Variants in GRIK3 observed in about 807,000 individuals in gnomAD.
GRIK3 encodes the protein glutamate receptor ionotropic, kainate 3.
Under a neutral mutation model 102.5 loss-of-function variants are expected in GRIK3, and 29 were observed. The observed-to-expected ratio is 0.28, with a 90% confidence interval of 0.21 to 0.39. GRIK3 has a LOEUF of 0.39. Among genes scored for constraint, GRIK3 ranks in the 10% least tolerant of loss-of-function variants. The pLI is 1.00. For missense variants in GRIK3, 908 were observed against 1,252.4 expected (o/e 0.73, Z 4.15); for synonymous variants, 511 against 504.9 (o/e 1.01, Z -0.16).
intron 1 of GRIK3, among the ~76,000 whole-genome samples, chr1:36,972,166 G>A (rs999299288): frequency 1.3e-5 from 2 of 152,196 alleles, no homozygotes; most frequent in African/African-American, 2.4e-5. Context: ...CACGTGCTCC[G>A]CATCCCAATG....
intron 1 of GRIK3, among the ~76,000 whole-genome samples, chr1:36,921,943 G>A (rs1264951180): frequency 6.6e-6 from 1 of 152,110 alleles, no homozygotes; most frequent in Non-Finnish European, 1.5e-5. Context: ...CCAGGAGTGA[G>A]CTCTCAATGT....
chr1:36,966,937 C>G (rs1363628128), intron 1 of GRIK3, among the ~76,000 whole-genome samples: 1 of 151,970 alleles, frequency 6.6e-6, no homozygotes, highest in Non-Finnish European at 1.5e-5. Flanking sequence ...TTGAGGGATA[C>G]AATGGTTTAA....
intron 1 of GRIK3, among the ~76,000 whole-genome samples, chr1:36,910,148 C>T (rs146591089): frequency 0.02 from 3,072 of 152,344 alleles, 93 homozygotes; most frequent in African/African-American, 0.069. Flanking sequence ...GCCCAGAGTG[C>T]AGTGAGCCTG....
intron 1 of GRIK3, among the ~76,000 whole-genome samples, chr1:36,985,613 G>A (rs891045607): frequency 5.3e-5 from 8 of 152,202 alleles, no homozygotes; most frequent in African/African-American, 1.7e-4. Flanking sequence ...CTCAGGTGTG[G>A]CAGTGGGATG....
chr1:36,810,427 C>CT (rs1193424396), intron 13 of GRIK3, among the ~76,000 whole-genome samples: 1 of 152,188 alleles, frequency 6.6e-6, no homozygotes, highest in Non-Finnish European at 1.5e-5. Context: ...GACAGAGATG[C>CT]TTTTTTTATC....
In GRIK3 at chr1:36,799,533, GCTT is replaced by G. The variant is rs1642416222; in HGVS notation, c.*2315_*2317del. 6.6e-6 allele frequency: 1 copy of G among 152,194 alleles called. No individual in the cohort carries two copies. The highest frequency in any genetic ancestry group is 1.5e-5 in the Non-Finnish European group (1 of 68,064). The allele number at this position is 152,194 out of a possible 1,614,324, so 9.4% of individuals were successfully genotyped here. ...CAGACATGGACCCCTTGGTGACATG[GCTT>G]CTCCTTTTACGCATATTTGGCTAGC... On this transcript the variant is annotated 3_prime_UTR_variant, in exon 16 of 16. Transcript: ENST00000373091.
At chr1:37,025,225 A>G (rs574767514) in intron 1 of GRIK3, among the ~76,000 whole-genome samples, 31 of 152,324 alleles carry the variant, frequency 2.0e-4, no homozygotes, top group Non-Finnish European at 3.2e-4. Context: ...GTGGCATTCA[A>G]TCAGAGACTG....
intron 10 of GRIK3, among the ~76,000 whole-genome samples, chr1:36,826,659 G>A (rs1642757758): frequency 6.7e-6 from 1 of 148,392 alleles, no homozygotes; most frequent in African/African-American, 2.5e-5. Flanking sequence ...AGGCAACAGA[G>A]TGAGATCTTG....
chr1:36,891,735 T>C (rs566351709), intron 1 of GRIK3, among the ~76,000 whole-genome samples: 2 of 152,094 alleles, frequency 1.3e-5, no homozygotes, highest in South Asian at 4.1e-4. Context: ...ACCAATGAAA[T>C]AAGAAAGAAA....
chr1:36,982,992 C>CTGGG (rs1642266223), intron 1 of GRIK3, among the ~76,000 whole-genome samples: 1 of 152,214 alleles, frequency 6.6e-6, no homozygotes, highest in Non-Finnish European at 1.5e-5. Flanking sequence ...TGGCCGAGCC[C>CTGGG]AGCCCACCTG....
chr1:36,852,647 T>C (rs1197062179), intron 8 of GRIK3, among the ~76,000 whole-genome samples: 4 of 152,124 alleles, frequency 2.6e-5, no homozygotes, highest in African/African-American at 9.7e-5. Flanking sequence ...CCACATAAAA[T>C]GCTTGAACCA....
chr1:37,029,417 C>T (rs1236708396), intron 1 of GRIK3, among the ~76,000 whole-genome samples: 1 of 152,210 alleles, frequency 6.6e-6, no homozygotes, highest in Admixed American at 6.5e-5. Context: ...GTTTCAGTTC[C>T]CTCTGGAAGG....
rs1256061364 is a variant in GRIK3, at chr1:36,855,534, T to A, written c.1105-1812A>T. Among the ~76,000 whole-genome samples the A allele has an allele frequency of 3.3e-5, 5 of 152,200 alleles. No homozygotes were observed. The East Asian group carries it at 9.6e-4, about 29-fold the overall frequency. The stretch of plus-strand genomic sequence containing the variant: ...GCTGTGCTTTGGAGGAGAGGGAGGC[T>A]ATAAAACCAAAGTGGTTAGAAAGTG... On this transcript the variant is annotated intron_variant, in intron 7 of 15. Transcript: ENST00000373091.
At chr1:36,992,901 A>T (rs980629153) in intron 1 of GRIK3, among the ~76,000 whole-genome samples, 2 of 152,114 alleles carry the variant, frequency 1.3e-5, no homozygotes, top group African/African-American at 4.8e-5. Context: ...CAGGGCCTGA[A>T]CTCTTGTTAC....
At chr1:36,883,647 G>A (rs1641008027) in intron 2 of GRIK3, among the ~76,000 whole-genome samples, 1 of 152,168 alleles carries the variant, frequency 6.6e-6, no homozygotes. Flanking sequence ...GCTCCTGGTG[G>A]GTATGTCCCC....
intron 1 of GRIK3, among the ~76,000 whole-genome samples, chr1:36,973,583 C>T (rs1243585645): frequency 8.0e-6 from 1 of 125,206 alleles, no homozygotes; most frequent in Non-Finnish European, 1.6e-5. Context: ...CCACGCCCGG[C>T]TAATTTTTTT....
intron 1 of GRIK3, among the ~76,000 whole-genome samples, chr1:36,981,729 T>C (rs1056347675): frequency 5.9e-5 from 9 of 152,148 alleles, no homozygotes. Flanking sequence ...CTCTTGTGTA[T>C]CCATCCCAGG....
intron 1 of GRIK3, among the ~76,000 whole-genome samples, chr1:37,012,345 C>T (rs964669262): frequency 6.6e-6 from 1 of 152,178 alleles, no homozygotes; most frequent in African/African-American, 2.4e-5. Flanking sequence ...GGAACTGGGC[C>T]CTGGCAGCTA....
At chr1:37,009,630 G>A (rs56159084) in intron 1 of GRIK3, among the ~76,000 whole-genome samples, 9,156 of 152,262 alleles carry the variant, frequency 0.06, 940 homozygotes, top group African/African-American at 0.21. Flanking sequence ...TCCATTCGTG[G>A]GGAGCCCATG....
Sources: allele counts gnomAD v4.1 joint callset (sites outside exome capture counted in the v4.1 genomes callset), GRCh38; gene constraint gnomAD v4.1.1; transcripts MANE v1.5; gene names NCBI Gene and HGNC (gene_info 2026-07-23, HGNC 2026-07-21).